The following UGT1A3 variants were observed in gnomAD, a reference collection of about 807,000 sequenced individuals.
UGT1A3 encodes UDP glucuronosyltransferase family 1 member A3, also known as UDP-glucuronosyltransferase 1A3.
A neutral mutation model predicts 41.0 loss-of-function variants in UGT1A3; 31 were observed. That is an observed-to-expected ratio of 0.76 (90% CI 0.57 to 1.02). UGT1A3 has a LOEUF of 1.02. Among genes scored for constraint, UGT1A3 ranks in the 50% least tolerant of loss-of-function variants. The pLI, the probability that UGT1A3 is intolerant of heterozygous loss-of-function variation, is 0.00. For missense variants in UGT1A3, 737 were observed against 671.0 expected (o/e 1.10, Z -1.09); for synonymous variants, 262 against 257.6 (o/e 1.02, Z -0.17).
chr2:233,752,100 A>T (rs1044606587), intron 1 of UGT1A3, among the ~76,000 whole-genome samples: 1 of 152,250 alleles, frequency 6.6e-6, no homozygotes, highest in Non-Finnish European at 1.5e-5. Context: ...GACAGAAAGT[A>T]GAATCAGAGG....
At chr2:233,767,212 G>T (rs377453564) in intron 2 of UGT1A3, 47 bp downstream of exon 2, 3 of 1,612,180 alleles carry the variant, frequency 1.9e-6, no homozygotes, top group Admixed American at 3.3e-5. Flanking sequence ...TCACAGGAGC[G>T]CTAATCCCAG....
At chr2:233,751,657 CTGAG>C (rs111702425) in intron 1 of UGT1A3, among the ~76,000 whole-genome samples, 4 of 152,292 alleles carry the variant, frequency 2.6e-5, no homozygotes, top group African/African-American at 9.6e-5. Context: ...TCTCATCCTA[CTGAG>C]TGAGTTCTAA....
intron 1 of UGT1A3, among the ~76,000 whole-genome samples, chr2:233,763,987 G>C (rs144684818): frequency 6.6e-6 from 1 of 152,188 alleles, no homozygotes; most frequent in Non-Finnish European, 1.5e-5. Flanking sequence ...CTGGGAATGC[G>C]TGATGGTGAA....
intron 1 of UGT1A3, chr2:233,747,760 A>G: frequency 6.2e-7 from 1 of 1,613,440 alleles, no homozygotes; most frequent in South Asian, 1.1e-5. Context: ...TTAGACTTTA[A>G]GGGCACACAG....
intron 1 of UGT1A3, among the ~76,000 whole-genome samples, chr2:233,737,236 T>A (rs2078854689): frequency 6.6e-6 from 1 of 152,226 alleles, no homozygotes; most frequent in Non-Finnish European, 1.5e-5. Flanking sequence ...CTGGATGCTT[T>A]GTTTACCTAC....
At chr2:233,742,757 A>G (rs968540830) in intron 1 of UGT1A3, 1 of 153,060 alleles carries the variant, frequency 6.5e-6, no homozygotes, top group African/African-American at 2.4e-5. Flanking sequence ...AAATATTAAG[A>G]TAATAAATGC....
intron 1 of UGT1A3, among the ~76,000 whole-genome samples, chr2:233,765,992 C>T (rs1575816962): frequency 6.6e-6 from 1 of 152,236 alleles, no homozygotes; most frequent in Middle Eastern, 3.4e-3. Context: ...CCTGAAGCTC[C>T]AGTGGGCGTG....
At chr2:233,746,103 G>C (rs1465134401) in intron 1 of UGT1A3, among the ~76,000 whole-genome samples, 1 of 151,806 alleles carries the variant, frequency 6.6e-6, no homozygotes, top group Non-Finnish European at 1.5e-5. Flanking sequence ...CATGTCCAGA[G>C]TGCTTACTGT....
At chr2:233,743,996 C>T (rs76063448) in intron 1 of UGT1A3, 37,130 of 1,239,474 alleles carry the variant, frequency 0.03, 683 homozygotes, top group African/African-American at 0.05. Context: ...GGCCCGAGTG[C>T]TCGGAGACCT....
chr2:233,736,738 C>T (rs1478066548), intron 1 of UGT1A3, among the ~76,000 whole-genome samples: 1 of 152,114 alleles, frequency 6.6e-6, no homozygotes, highest in Non-Finnish European at 1.5e-5. Flanking sequence ...TATGCTGTTC[C>T]TTTCTGTTTG....
intron 1 of UGT1A3, chr2:233,743,937 C>G (rs1692597235): frequency 7.4e-7 from 1 of 1,355,896 alleles, no homozygotes; most frequent in Non-Finnish European, 9.9e-7. Context: ...CAGAACGGCC[C>G]ACCAGGCACT....
At chr2:233,740,770 T>C (rs1691472296) in intron 1 of UGT1A3, 2 of 151,812 alleles carry the variant, frequency 1.3e-5, no homozygotes, top group Admixed American at 6.5e-5. Flanking sequence ...CAAACCGTTG[T>C]ATAAAAGATG....
chr2:233,745,133 G>A (rs1291736176), intron 1 of UGT1A3, among the ~76,000 whole-genome samples: 1 of 151,810 alleles, frequency 6.6e-6, no homozygotes, highest in East Asian at 1.9e-4. Flanking sequence ...CTGCAGATGT[G>A]AAGCCCAAGT....
chr2:233,730,676 G>A (rs992783530), intron 1 of UGT1A3, among the ~76,000 whole-genome samples: 4 of 152,128 alleles, frequency 2.6e-5, no homozygotes, highest in Non-Finnish European at 4.4e-5. Flanking sequence ...CAAAGTAATG[G>A]TTGCATCTCA....
At chr2:233,767,959 A>G in intron 3 of UGT1A3, 23 bp downstream of exon 3, 1 of 1,614,218 alleles carries the variant, frequency 6.2e-7, no homozygotes, top group Non-Finnish European at 8.5e-7. Flanking sequence ...GATTGGATGT[A>G]TAGGTCAAAC....
chr2:233,758,656 C>T (rs35815287), intron 1 of UGT1A3, among the ~76,000 whole-genome samples: 1 of 152,054 alleles, frequency 6.6e-6, no homozygotes, highest in East Asian at 1.9e-4. Context: ...GAGAGGGTAC[C>T]CTAATTACCT....
chr2:233,766,561 C>T (rs1699182212), intron 1 of UGT1A3, among the ~76,000 whole-genome samples: 1 of 152,200 alleles, frequency 6.6e-6, no homozygotes, highest in Non-Finnish European at 1.5e-5. Context: ...CACCTAGGTC[C>T]ATGGGCACAG....
intron 2 of UGT1A3, among the ~76,000 whole-genome samples, chr2:233,767,644 C>T (rs983421121): frequency 2.0e-5 from 3 of 152,120 alleles, no homozygotes; most frequent in South Asian, 4.1e-4. Flanking sequence ...CACAAATTCA[C>T]GTAGTGCATA....
At chr2:233,771,541 A>C (rs1305136461) in intron 4 of UGT1A3, 1 of 152,298 alleles carries the variant, frequency 6.6e-6, no homozygotes, top group African/African-American at 2.4e-5. Flanking sequence ...TTTGGCACTT[A>C]CAAATGGCTG....
Sources: gnomAD v4.1 joint callset for allele counts (sites outside exome capture counted in the v4.1 genomes callset) on GRCh38, gnomAD v4.1.1 for gene constraint, MANE v1.5 for transcripts, NCBI Gene and HGNC (gene_info 2026-07-23, HGNC 2026-07-21) for gene names.